Variants in AMPH observed in about 807,000 individuals in gnomAD.
The protein encoded by AMPH is amphiphysin (Stiff-Mann syndrome with breast cancer 128kD autoantigen).
AMPH carries 49 observed loss-of-function variants against 99.1 expected under a neutral mutation model. That is an observed-to-expected ratio of 0.49 (90% CI 0.39 to 0.63). The LOEUF is 0.63. Ranked by LOEUF, AMPH falls within the 20% of genes least tolerant of loss-of-function variation. The pLI is 0.00. For synonymous variants in AMPH, 314 were observed against 317.3 expected (o/e 0.99, Z 0.11); for missense variants, 759 against 863.4 (o/e 0.88, Z 1.52).
chr7:38,520,369 G>A (rs1011820060), intron 2 of AMPH, among the ~76,000 whole-genome samples: 11 of 152,118 alleles, frequency 7.2e-5, no homozygotes, highest in Non-Finnish European at 1.2e-4. Context: ...TTTACATAGA[G>A]TTTTTAAAAA....
At chr7:38,406,713 CCTCT>C (rs1215455086) in intron 17 of AMPH, among the ~76,000 whole-genome samples, 2,470 of 110,046 alleles carry the variant, frequency 0.022, 58 homozygotes, top group Admixed American at 0.063. Flanking sequence ...TCTCTCCTCT[CCTCT>C]CTCTCTCCCT....
At chr7:38,614,305 A>C (rs1368785069) in intron 1 of AMPH, among the ~76,000 whole-genome samples, 2 of 152,250 alleles carry the variant, frequency 1.3e-5, no homozygotes, top group Non-Finnish European at 2.9e-5. Flanking sequence ...AAGAATTGCA[A>C]TTGGCAAACA....
intron 4 of AMPH, 139 bp downstream of exon 4, chr7:38,494,294 G>A: frequency 1.0e-5 from 7 of 692,996 alleles, no homozygotes; most frequent in Non-Finnish European, 1.8e-5. Flanking sequence ...GGAATCATCA[G>A]GCAGCAGAAC....
intron 1 of AMPH, among the ~76,000 whole-genome samples, chr7:38,582,270 G>A (rs1792495278): frequency 6.6e-6 from 1 of 152,188 alleles, no homozygotes; most frequent in Non-Finnish European, 1.5e-5. Flanking sequence ...TCTAAGAGAT[G>A]GAGAAGTGAC....
At chr7:38,439,352 G>C (rs1232606155) in intron 11 of AMPH, among the ~76,000 whole-genome samples, 1 of 152,146 alleles carries the variant, frequency 6.6e-6, no homozygotes, top group East Asian at 1.9e-4. Flanking sequence ...CAAAATATGT[G>C]GCTGGTTTTT....
chr7:38,455,965 A>T lies in AMPH; in HGVS notation c.1017+5318T>A, dbSNP rs1016334498. On this transcript the variant is annotated intron_variant, in intron 11 of 20. Coordinates refer to ENST00000356264, the MANE Select transcript of AMPH (RefSeq NM_001635.4). The stretch of plus-strand genomic sequence containing the variant: ...CTGAGGGCTGCTGTGGAACCAAGAA[A>T]TGAGAAAACTGCACTCCCCACAGAC... Among the ~76,000 whole-genome samples the T allele has an allele frequency of 9.8e-5, 15 of 152,328 alleles. 1 individual carries two copies. Among genetic ancestry groups the T allele is most frequent in the Admixed American group, 7.8e-4 (12 of 15,310 alleles).
At chr7:38,442,395 C>T (rs1035832856) in intron 11 of AMPH, among the ~76,000 whole-genome samples, 10 of 152,106 alleles carry the variant, frequency 6.6e-5, no homozygotes, top group Non-Finnish European at 1.0e-4. Context: ...TGTTTTAAGA[C>T]CCCATGTGTC....
intron 17 of AMPH, among the ~76,000 whole-genome samples, chr7:38,394,665 C>A (rs720667): frequency 5.9e-5 from 9 of 151,916 alleles, no homozygotes; most frequent in Non-Finnish European, 1.3e-4. Flanking sequence ...ACGAAAACCA[C>A]CTTCCTTTTG....
At position 38,489,743 on chromosome 7, in the gene AMPH, A is replaced by G. The variant is rs557826756; in HGVS notation, c.396+1307T>C. ...AGAATAGACATTTCTCCAAAGACCT[A>G]CAAACAACCTCAGAGAAGCAAAGAA... On this transcript the variant is annotated intron_variant, in intron 5 of 20. Coordinates refer to ENST00000356264, the MANE Select transcript of AMPH (RefSeq NM_001635.4). Among the ~76,000 whole-genome samples the G allele has an allele frequency of 6.6e-5, 10 of 152,266 alleles. No homozygotes were observed. The South Asian group carries it at 1.5e-3, about 22-fold the overall frequency.
At chr7:38,501,214 A>G (rs961290303) in intron 3 of AMPH, among the ~76,000 whole-genome samples, 1 of 152,054 alleles carries the variant, frequency 6.6e-6, no homozygotes, top group African/African-American at 2.4e-5. Flanking sequence ...TTTTTTGAAC[A>G]GGGTCTCACT....
At chr7:38,542,720 C>T (rs757188851) in intron 1 of AMPH, among the ~76,000 whole-genome samples, 11 of 152,198 alleles carry the variant, frequency 7.2e-5, no homozygotes, top group East Asian at 1.9e-4. Flanking sequence ...CTTTGGGAGG[C>T]GATGCCAGGA....
chr7:38,617,575 A>C (rs954229444), intron 1 of AMPH, among the ~76,000 whole-genome samples: 1 of 152,204 alleles, frequency 6.6e-6, no homozygotes, highest in African/African-American at 2.4e-5. Flanking sequence ...GACCATAACC[A>C]AACCAAGAAT....
At chr7:38,459,033 A>G (rs2129007059) in intron 11 of AMPH, among the ~76,000 whole-genome samples, 1 of 152,244 alleles carries the variant, frequency 6.6e-6, no homozygotes, top group African/African-American at 2.4e-5. Flanking sequence ...GTTGCAGGAT[A>G]TGTAAAAAAA....
chr7:38,417,354 T>C (rs374538701), intron 17 of AMPH, among the ~76,000 whole-genome samples: 5 of 152,338 alleles, frequency 3.3e-5, no homozygotes, highest in African/African-American at 9.6e-5. Flanking sequence ...GTGGTGCATA[T>C]AGGAATCCTT....
intron 17 of AMPH, among the ~76,000 whole-genome samples, chr7:38,406,724 CCCTTTCCCTCTCTCTCT>C (rs1785004342): frequency 1.2e-5 from 1 of 86,360 alleles, no homozygotes; most frequent in Admixed American, 1.3e-4. Flanking sequence ...CTCTCTCTCT[CCCTTTCCCTCTCTCTCT>C]CTCTCTCTCT....
At chr7:38,536,794 C>A (rs1790621678) in intron 1 of AMPH, among the ~76,000 whole-genome samples, 1 of 151,984 alleles carries the variant, frequency 6.6e-6, no homozygotes, top group Non-Finnish European at 1.5e-5. Flanking sequence ...ACTCTCCTGT[C>A]ACTTATAGCA....
At chr7:38,487,997 T>C (rs1173859597) in intron 5 of AMPH, among the ~76,000 whole-genome samples, 1 of 152,194 alleles carries the variant, frequency 6.6e-6, no homozygotes, top group African/African-American at 2.4e-5. Context: ...CCAGTTAGAA[T>C]GGCGATCAAT....
chr7:38,512,186 C>T (rs1789565420), intron 2 of AMPH, among the ~76,000 whole-genome samples: 1 of 152,188 alleles, frequency 6.6e-6, no homozygotes, highest in Non-Finnish European at 1.5e-5. Context: ...GACATTCCTT[C>T]TAGTGTATGT....
rs70977405 is a variant in AMPH, at chr7:38,441,803, T to TATATCATATATATC, written c.1018-5416_1018-5415insGATATATATGATAT. Reference sequence around the variant, plus strand: ...TCATATATCTGTCATATATATCATATATATATCATATATATCATATATCAT... The same window carrying TATATCATATATATC: ...TCATATATCTGTCATATATATCATATATATCATATATATCATATATCATATATATCATATATCAT... On this transcript the variant is annotated intron_variant, in intron 11 of 20. Transcript: ENST00000356264. Among the ~76,000 whole-genome samples, 492 of 64,210 alleles carry TATATCATATATATC rather than the reference T, an allele frequency of 7.7e-3. 2 individuals carry two copies. Among genetic ancestry groups the TATATCATATATATC allele is most frequent in the Non-Finnish European group, 0.011 (393 of 34,562 alleles). 42.1% of individuals were successfully genotyped at this position (64,210 alleles called of 152,430 possible). A position where few individuals can be genotyped will look rare whatever the true frequency, so the allele number is the denominator to read the frequency against.
Sources: gnomAD v4.1 joint callset for allele counts (sites outside exome capture counted in the v4.1 genomes callset) on GRCh38, gnomAD v4.1.1 for gene constraint, MANE v1.5 for transcripts, NCBI Gene and HGNC (gene_info 2026-07-23, HGNC 2026-07-21) for gene names.